Variants in BRD4 observed in about 807,000 individuals in gnomAD.
The protein encoded by BRD4 is bromodomain containing 4.
Under a neutral mutation model 142.1 loss-of-function variants are expected in BRD4, and 16 were observed. The observed-to-expected ratio is 0.11, with a 90% CI of 0.08 to 0.17. The LOEUF is 0.17. Ranked by LOEUF, BRD4 falls within the 10% of genes least tolerant of loss-of-function variation. The pLI is 1.00. For synonymous variants in BRD4, 833 were observed against 707.5 expected (o/e 1.18, Z -2.82); for missense variants, 1,424 against 1,810.9 (o/e 0.79, Z 3.88).
intron 1 of BRD4, among the ~76,000 whole-genome samples, chr19:15,273,500 G>T (rs1010464700): frequency 3.3e-5 from 5 of 152,334 alleles, no homozygotes; most frequent in African/African-American, 1.2e-4. Context: ...AGGAGATGCT[G>T]CCTGTGTGTG....
intron 1 of BRD4, among the ~76,000 whole-genome samples, chr19:15,319,164 C>T (rs1354082988): frequency 3.3e-5 from 5 of 151,146 alleles, no homozygotes; most frequent in South Asian, 2.1e-4. Context: ...AGTGTGACCT[C>T]GTCCCTTCAA....
chr19:15,313,114 G>A (rs1231783181), intron 1 of BRD4, among the ~76,000 whole-genome samples: 2 of 151,956 alleles, frequency 1.3e-5, no homozygotes, highest in African/African-American at 2.4e-5. Flanking sequence ...GCTCACGCCC[G>A]TAATCCCACC....
chr19:15,285,925 G>A (rs1327453458), intron 1 of BRD4, among the ~76,000 whole-genome samples: 6 of 152,150 alleles, frequency 3.9e-5, no homozygotes, highest in African/African-American at 1.2e-4. Context: ...TTTAGGAGGC[G>A]TGTGTGAGGA....
chr19:15,263,566 T>A lies in BRD4; in HGVS notation c.1213-18A>T. The A allele has an allele frequency of 6.2e-7, 1 of 1,613,780 alleles. No individual in the cohort carries two copies. The highest frequency in any genetic ancestry group is 8.5e-7 in the Non-Finnish European group (1 of 1,179,698). On this transcript the variant is annotated intron_variant, in intron 6 of 19. Transcript: ENST00000679869. ...AGTTTAGACTGGAAAACAAGACAAGTCCCTGTTAGCTGTGTCTGCCCATGT... is the reference window on the plus strand; with the variant it reads ...AGTTTAGACTGGAAAACAAGACAAGACCCTGTTAGCTGTGTCTGCCCATGT...
At position 15,239,585 on chromosome 19, in the gene BRD4, C is replaced by A. The variant is rs750248387; in HGVS notation, c.3446-63G>T. The A allele has an allele frequency of 8.9e-5, 139 of 1,564,618 alleles. No individual in the cohort carries two copies. Among genetic ancestry groups the A allele is most frequent in the Admixed American group, 6.3e-4 (33 of 52,022 alleles). ...ACCCCAGTGGGGCATGGTCCACCAGCCCCACAGCAAGCTTATGTCCAACAC... is the reference window on the plus strand; with the variant it reads ...ACCCCAGTGGGGCATGGTCCACCAGACCCACAGCAAGCTTATGTCCAACAC... On this transcript the variant is annotated intron_variant, in intron 16 of 19. Coordinates refer to ENST00000679869, the MANE Select transcript of BRD4 (RefSeq NM_001379291.1). The surrounding 1 kb of genome is among the most constrained non-coding windows in gnomAD (Gnocchi z 7.4).
intron 1 of BRD4, among the ~76,000 whole-genome samples, chr19:15,318,220 C>A (rs1353505881): frequency 6.6e-6 from 1 of 151,660 alleles, no homozygotes; most frequent in Non-Finnish European, 1.5e-5. Context: ...AAGCCAAGAC[C>A]AATGGTACAT....
At chr19:15,269,587 C>G (rs918133858) in intron 2 of BRD4, among the ~76,000 whole-genome samples, 9 of 152,204 alleles carry the variant, frequency 5.9e-5, no homozygotes, top group Non-Finnish European at 1.2e-4. Context: ...TAGTCAAATT[C>G]ACTGGACTTA....
Position 15,237,117 on chromosome 19 carries a change from G to T in BRD4, c.*1260C>A, listed in dbSNP as rs539839346. 10 of 212,206 alleles carry T rather than the reference G, an allele frequency of 4.7e-5. No homozygotes were observed. The South Asian group carries it at 1.3e-3, about 28-fold the overall frequency. The allele number at this position is 212,206 out of a possible 1,614,324, so 13.1% of individuals were successfully genotyped here. On this transcript the variant is annotated 3_prime_UTR_variant, in exon 20 of 20. Transcript: ENST00000679869. ...TGCCTTAGTCTGTGGCGCCCCCAGGGCCCGGTTCCCACCTCATCCCTTGGC... is the reference window on the plus strand; with the variant it reads ...TGCCTTAGTCTGTGGCGCCCCCAGGTCCCGGTTCCCACCTCATCCCTTGGC...
At chr19:15,258,267 T>C (rs888567074) in intron 7 of BRD4, among the ~76,000 whole-genome samples, 2 of 151,322 alleles carry the variant, frequency 1.3e-5, no homozygotes, top group African/African-American at 4.8e-5. Flanking sequence ...AGGCATCCCA[T>C]ATAACTGTGG....
At chr19:15,284,466 ACAC>A (rs993492149) in intron 1 of BRD4, among the ~76,000 whole-genome samples, 2 of 152,204 alleles carry the variant, frequency 1.3e-5, no homozygotes, top group African/African-American at 4.8e-5. Flanking sequence ...TATCTGATAC[ACAC>A]CCCCAAGGGT....
In BRD4 at chr19:15,237,309, T is replaced by C. The variant is rs1341865239; in HGVS notation, c.*1068A>G. 1.2e-5 allele frequency: 2 copies of C among 169,912 alleles called. No individual in the cohort carries two copies. Among genetic ancestry groups the C allele is most frequent in the Non-Finnish European group, 2.2e-5 (2 of 91,360 alleles). 10.5% of individuals were successfully genotyped at this position (169,912 alleles called of 1,614,324 possible). A position where few individuals can be genotyped will look rare whatever the true frequency, so the allele number is the denominator to read the frequency against. On this transcript the variant is annotated 3_prime_UTR_variant, in exon 20 of 20. Transcript: ENST00000679869. Reference sequence around the variant, plus strand: ...AGCTTTCTGGTTTTATAATTAAAAATAGACTAATAAAGTTTGAAACTGAGT... The same window carrying C: ...AGCTTTCTGGTTTTATAATTAAAAACAGACTAATAAAGTTTGAAACTGAGT...
At chr19:15,320,994 G>A (rs1222889322) in intron 1 of BRD4, among the ~76,000 whole-genome samples, 1 of 152,214 alleles carries the variant, frequency 6.6e-6, no homozygotes, top group Non-Finnish European at 1.5e-5. Context: ...AACACTTTGG[G>A]AGGCCAAGGC....
intron 1 of BRD4, among the ~76,000 whole-genome samples, chr19:15,327,765 G>A (rs1433171791): frequency 6.6e-6 from 1 of 151,828 alleles, no homozygotes. Context: ...GTGAGTGAAA[G>A]ATGCCAGGCA....
At chr19:15,249,208 G>C in intron 11 of BRD4, 1 of 1,612,854 alleles carries the variant, frequency 6.2e-7, no homozygotes, top group East Asian at 2.2e-5. Context: ...GAAGAAAATG[G>C]ACTTAAGCTA....
intron 1 of BRD4, among the ~76,000 whole-genome samples, chr19:15,326,101 G>A (rs1162181659): frequency 7.0e-6 from 1 of 143,796 alleles, no homozygotes; most frequent in Non-Finnish European, 1.5e-5. Context: ...TCATACGACA[G>A]CTAAGCAGCC....
rs571372123 is a variant in BRD4, at chr19:15,267,455, C to A, written c.520G>T (p.Val174Phe). The A allele has an allele frequency of 1.2e-6, 2 of 1,614,198 alleles. No individual in the cohort carries two copies. Among genetic ancestry groups the A allele is most frequent in the South Asian group, 2.2e-5 (2 of 91,078 alleles). ...LPTEETEIMI[V>F]QAKGRGRGRK... The stretch of plus-strand genomic sequence containing the variant: ...CCACGTCCTCTTCCTTTTGCCTGGA[C>A]TATCATGATCTCGGTTTCTTCTGTG... Residue 174 changes from valine to phenylalanine, a missense_variant, in exon 4 of 20, where the codon GTC becomes TTC. This residue lies in a region of BRD4 where 55 missense variants were observed against 160.7 expected (regional missense o/e 0.34). Coordinates refer to ENST00000679869, the MANE Select transcript of BRD4 (RefSeq NM_001379291.1).
chr19:15,281,255 C>T (rs2047701886), intron 1 of BRD4, among the ~76,000 whole-genome samples: 1 of 151,890 alleles, frequency 6.6e-6, no homozygotes, highest in Admixed American at 6.6e-5. Flanking sequence ...GTGGTGGGGC[C>T]CCATTACCTC....
At chr19:15,285,891 G>A (rs2047736324) in intron 1 of BRD4, among the ~76,000 whole-genome samples, 1 of 152,152 alleles carries the variant, frequency 6.6e-6, no homozygotes, top group Non-Finnish European at 1.5e-5. Context: ...TTAGGATGGT[G>A]CCCACTCTGA....
chr19:15,273,199 A>C (rs1182830143), intron 1 of BRD4, 66 bp from the exon 2 acceptor site: 1 of 1,456,292 alleles, frequency 6.9e-7, no homozygotes, highest in African/African-American at 1.4e-5. Flanking sequence ...CAGAATGACA[A>C]GTCCCTCTGG....
Sources: gnomAD v4.1 joint callset for allele counts (sites outside exome capture counted in the v4.1 genomes callset) on GRCh38, gnomAD v4.1.1 for gene constraint, gnomAD v4.1.1 regional missense constraint, Gnocchi (gnomAD v3.1) non-coding constraint, MANE v1.5 for transcripts, NCBI Gene and HGNC (gene_info 2026-07-23, HGNC 2026-07-21) for gene names.